Variants in ADD1 observed in about 807,000 individuals in gnomAD.
ADD1 encodes adducin 1, also known as alpha-adducin.
In ADD1, 24 loss-of-function variants were observed where a neutral mutation model predicts 80.5. The ratio of observed to expected loss-of-function variants is 0.30; its 90% confidence interval spans 0.22 to 0.42. The LOEUF is 0.42. ADD1 is among the 10% of genes least tolerant of loss of function. The pLI, the probability that ADD1 is intolerant of heterozygous loss-of-function variation, is 1.00. For synonymous variants in ADD1, 373 were observed against 393.8 expected (o/e 0.95, Z 0.63); for missense variants, 948 against 1,019.0 (o/e 0.93, Z 0.95).
At chr4:2,845,342 A>AT (rs1251185550) in intron 1 of ADD1, among the ~76,000 whole-genome samples, 7 of 152,198 alleles carry the variant, frequency 4.6e-5, no homozygotes, top group African/African-American at 1.7e-4. Context: ...AAGTGCTGGG[A>AT]TTACAGGCGT....
rs770212055 is a variant in ADD1, at chr4:2,914,866, T to C, written c.1792-18T>C. ...TCGGGCCGGGCTCCTGCAGACCAGATGTGCCTTTCATCCACAGGGAGAGCT... is the reference window on the plus strand; with the variant it reads ...TCGGGCCGGGCTCCTGCAGACCAGACGTGCCTTTCATCCACAGGGAGAGCT... On this transcript the variant is annotated intron_variant, in intron 13 of 15. Transcript: ENST00000683351. 6.2e-7 allele frequency: 1 copy of C among 1,600,470 alleles called. No individual in the cohort carries two copies. The highest frequency in any genetic ancestry group is 8.5e-7 in the Non-Finnish European group (1 of 1,172,640).
chr4:2,883,360 TAGTC>T (rs941470014), intron 3 of ADD1, among the ~76,000 whole-genome samples: 3 of 152,022 alleles, frequency 2.0e-5, no homozygotes, highest in African/African-American at 7.3e-5. Flanking sequence ...GATTTAAACA[TAGTC>T]AGTGTGTTTC....
At chr4:2,913,727 C>T (rs1006653305) in intron 13 of ADD1, among the ~76,000 whole-genome samples, 13 of 151,884 alleles carry the variant, frequency 8.6e-5, no homozygotes, top group South Asian at 2.1e-4. Flanking sequence ...TTGAATTTCC[C>T]GAGTCAGCCC....
rs967713475 is a variant in ADD1 at position 2,926,229 on chromosome 4, C to T, written c.2047+117C>T. 4.4e-5 allele frequency: 40 copies of T among 916,386 alleles called. No homozygotes were observed. Among genetic ancestry groups the T allele is most frequent in the African/African-American group, 1.5e-4 (9 of 61,264 alleles). 56.8% of individuals were successfully genotyped at this position (916,386 alleles called of 1,614,324 possible). A position where few individuals can be genotyped will look rare whatever the true frequency, so the allele number is the denominator to read the frequency against. On this transcript the variant is annotated intron_variant, in intron 15 of 15. Coordinates refer to ENST00000683351, the MANE Select transcript of ADD1 (RefSeq NM_001354761.2). The surrounding 1 kb of genome is among the most constrained non-coding windows in gnomAD (Gnocchi z 5.0). ...ACACGGAAGTGTGTGCTTGCATCAG[C>T]GCCAGGACGTGACACCTTTCTCCTC...
Position 2,926,444 on chromosome 4 carries a change from G to A in ADD1, c.2047+332G>A. 1.4e-6 allele frequency: 1 copy of A among 695,534 alleles called. No homozygotes were observed. Among genetic ancestry groups the A allele is most frequent in the Non-Finnish European group, 2.6e-6 (1 of 386,116 alleles). 43.1% of individuals were successfully genotyped at this position (695,534 alleles called of 1,614,324 possible). On this transcript the variant is annotated intron_variant, in intron 15 of 15. Coordinates refer to ENST00000683351, the MANE Select transcript of ADD1 (RefSeq NM_001354761.2). This position sits in a 1 kb window ranked among gnomAD's most constrained non-coding sequence, Gnocchi z 5.0. ...CCTTCGGAGGTGCCCTCCGCTGTGT[G>A]AGCCACACGCCGGCTGCCTCTCAGC...
Position 2,925,969 on chromosome 4 carries a change from C to T in ADD1, c.1949-45C>T, listed in dbSNP as rs146879083. ...CATGGAGGCAGGTACAGGCTCATGG[C>T]GTGGCGTCCACAGCTCCTACCATAT... On this transcript the variant is annotated intron_variant, in intron 14 of 15. Transcript: ENST00000683351. 2.4e-3 allele frequency: 3,820 copies of T among 1,560,774 alleles called. 15 individuals are homozygous for T. The highest frequency in any genetic ancestry group is 5.5e-3 in the Middle Eastern group (33 of 5,948).
chr4:2,900,409 C>G (rs1359152122), intron 9 of ADD1: 4 of 152,402 alleles, frequency 2.6e-5, no homozygotes, highest in Middle Eastern at 3.4e-3. Flanking sequence ...CGTCCTAACG[C>G]CACATGACCT....
At position 2,926,207 on chromosome 4, in the gene ADD1, CG is replaced by C. The variant is rs1258284871; in HGVS notation, c.2047+97del. On this transcript the variant is annotated intron_variant, in intron 15 of 15. Coordinates refer to ENST00000683351, the MANE Select transcript of ADD1 (RefSeq NM_001354761.2). The surrounding 1 kb of genome is among the most constrained non-coding windows in gnomAD (Gnocchi z 5.0). ...GGCGGGAGTCGTGTTAACAGCAACACGGAAGTGTGTGCTTGCATCAGCGCCA... is the reference window on the plus strand; with the variant it reads ...GGCGGGAGTCGTGTTAACAGCAACACGAAGTGTGTGCTTGCATCAGCGCCA... 1 of 1,085,198 alleles carries C rather than the reference CG, an allele frequency of 9.2e-7. No homozygotes were observed. Among genetic ancestry groups the C allele is most frequent in the African/African-American group, 1.5e-5 (1 of 64,694 alleles). 67.2% of individuals were successfully genotyped at this position (1,085,198 alleles called of 1,614,324 possible).
At chr4:2,847,118 C>CA (rs1414245373) in intron 1 of ADD1, among the ~76,000 whole-genome samples, 2 of 151,638 alleles carry the variant, frequency 1.3e-5, no homozygotes, top group Admixed American at 6.6e-5. Flanking sequence ...GACTCCGTCT[C>CA]AAAAAAACAA....
intron 11 of ADD1, 98 bp from the exon 12 acceptor site, chr4:2,908,417 C>T (rs1311700404): frequency 9.5e-7 from 1 of 1,051,522 alleles, no homozygotes; most frequent in African/African-American, 1.6e-5. Flanking sequence ...TGAAATGTAG[C>T]TTCCATGTGG....
intron 1 of ADD1, chr4:2,844,482 C>T (rs1725873017): frequency 6.6e-6 from 1 of 152,256 alleles, no homozygotes; most frequent in African/African-American, 2.4e-5. Flanking sequence ...AAGAGAAAAG[C>T]CATATCTGCC....
chr4:2,921,188 C>T (rs901022792), intron 14 of ADD1, among the ~76,000 whole-genome samples: 39 of 152,096 alleles, frequency 2.6e-4, no homozygotes, highest in Admixed American at 6.5e-4. Context: ...AGTGCAGTGG[C>T]GTGATCTCGG....
chr4:2,925,804 A>G (rs965624172), intron 14 of ADD1, among the ~76,000 whole-genome samples: 3 of 152,220 alleles, frequency 2.0e-5, no homozygotes, highest in African/African-American at 7.2e-5. Flanking sequence ...TTGTATCTGA[A>G]GTTGGTTAAG....
chr4:2,905,252 G>C, intron 10 of ADD1, 144 bp downstream of exon 10: 1 of 716,966 alleles, frequency 1.4e-6, no homozygotes, highest in Non-Finnish European at 2.3e-6. Flanking sequence ...CTGAACCTAA[G>C]TCCACTGAAT....
At chr4:2,908,379 T>A (rs1470761045) in intron 11 of ADD1, 136 bp from the exon 12 acceptor site, 2 of 728,114 alleles carry the variant, frequency 2.7e-6, no homozygotes, top group African/African-American at 1.8e-5. Context: ...CATGGGGCCA[T>A]CCTGCCTGCG....
At chr4:2,907,881 G>T in intron 11 of ADD1, 37 bp downstream of exon 11, 1 of 1,562,796 alleles carries the variant, frequency 6.4e-7, no homozygotes, top group Non-Finnish European at 8.8e-7. Flanking sequence ...GGGCTTGGGT[G>T]TGGGATTGGA....
At chr4:2,874,945 A>C (rs1222348203) in intron 1 of ADD1, among the ~76,000 whole-genome samples, 2 of 152,158 alleles carry the variant, frequency 1.3e-5, no homozygotes, top group African/African-American at 4.8e-5. Context: ...TTTGAAAGCT[A>C]ACAGGGCGTG....
chr4:2,864,760 A>AG lies in ADD1; in HGVS notation c.-20-11130dup, dbSNP rs533974142. Among the ~76,000 whole-genome samples, 265 of 151,040 alleles carry AG rather than the reference A, an allele frequency of 1.8e-3. 1 individual carries two copies. Among genetic ancestry groups the AG allele is most frequent in the African/African-American group, 6.0e-3 (249 of 41,158 alleles). ...TGGGGGGCGCTGATGTCAGCAGGGA[A>AG]GGGGGGCTTATTGCTCTCAGTGATG... is the stretch of plus-strand genomic sequence containing the variant. On this transcript the variant is annotated intron_variant, in intron 1 of 15. Coordinates refer to ENST00000683351, the MANE Select transcript of ADD1 (RefSeq NM_001354761.2).
chr4:2,853,928 A>C (rs1301112803), intron 1 of ADD1, among the ~76,000 whole-genome samples: 1 of 152,056 alleles, frequency 6.6e-6, no homozygotes. Context: ...ATTGCATTGC[A>C]CCCGGAGAAA....
Sources: gnomAD v4.1 joint callset for allele counts (sites outside exome capture counted in the v4.1 genomes callset) on GRCh38, gnomAD v4.1.1 for gene constraint, Gnocchi (gnomAD v3.1) non-coding constraint, MANE v1.5 for transcripts, NCBI Gene and HGNC (gene_info 2026-07-23, HGNC 2026-07-21) for gene names.